The following UBE2D2 variants were observed in gnomAD, a reference collection of about 807,000 sequenced individuals.
The protein encoded by UBE2D2 is ubiquitin conjugating enzyme E2 D2.
A neutral mutation model predicts 24.2 loss-of-function variants in UBE2D2; 2 were observed. That is an observed-to-expected ratio of 0.08 (90% confidence interval 0.03 to 0.26). UBE2D2 has a LOEUF of 0.26. Among genes scored for constraint, UBE2D2 ranks in the 10% least tolerant of loss-of-function variants. The probability of loss-of-function intolerance (pLI) is 1.00; values close to 1 mark genes in which losing one functional copy is unlikely to be tolerated. For synonymous variants in UBE2D2, 58 were observed against 56.5 expected (o/e 1.03, Z -0.12); for missense variants, 44 against 177.6 (o/e 0.25, Z 4.28).
In UBE2D2 at chr5:139,600,325, A is replaced by C. The variant is rs757881406; in HGVS notation, c.25-47A>C. The stretch of plus-strand genomic sequence containing the variant: ...AATATAAACTTTAGTAATGGATAAA[A>C]GGTACATTTATGTTGAATATATTTC... On this transcript the variant is annotated intron_variant, in intron 1 of 6. Coordinates refer to ENST00000398733, the MANE Select transcript of UBE2D2 (RefSeq NM_003339.3). 4 of 1,582,188 alleles carry C rather than the reference A, an allele frequency of 2.5e-6. No individual in the cohort carries two copies. The African/African-American group carries it at 4.0e-5, about 16-fold the overall frequency.
intron 1 of UBE2D2, among the ~76,000 whole-genome samples, chr5:139,576,105 A>T (rs1340635633): frequency 6.6e-6 from 1 of 152,208 alleles, no homozygotes; most frequent in Non-Finnish European, 1.5e-5. Context: ...ATAATAGCAC[A>T]CTAATGGAGT....
intron 1 of UBE2D2, chr5:139,562,073 T>C: frequency 1.2e-6 from 1 of 865,932 alleles, no homozygotes; most frequent in Non-Finnish European, 1.7e-6. Context: ...TGGTGTGGAC[T>C]CTTAGGGCTT....
chr5:139,581,696 T>C (rs569147835), intron 1 of UBE2D2, among the ~76,000 whole-genome samples: 2 of 152,034 alleles, frequency 1.3e-5, no homozygotes, highest in South Asian at 4.1e-4. Flanking sequence ...TGAGATGGAG[T>C]CTCGATCCGT....
chr5:139,615,377 C>T (rs919984550), intron 5 of UBE2D2, among the ~76,000 whole-genome samples: 6 of 151,948 alleles, frequency 3.9e-5, no homozygotes, highest in South Asian at 4.1e-4. Flanking sequence ...CCCAGCTACT[C>T]GGGAGGCTGA....
chr5:139,548,193 A>AAAAAAATAAATAAATAAATAAAT, intron 1 of UBE2D2, among the ~76,000 whole-genome samples: 1 of 47,102 alleles, frequency 2.1e-5, no homozygotes, highest in Non-Finnish European at 3.8e-5. Flanking sequence ...ATAAAAAAAA[A>AAAAAAATAAATAAATAAATAAAT]AAATAAATAA....
intron 2 of UBE2D2, among the ~76,000 whole-genome samples, chr5:139,605,716 C>A (rs1187717222): frequency 6.6e-6 from 1 of 151,148 alleles, no homozygotes; most frequent in Non-Finnish European, 1.5e-5. Flanking sequence ...TCCCTCTCTC[C>A]CTCCCTTCTC....
At chr5:139,574,055 T>C (rs1753411723) in intron 1 of UBE2D2, among the ~76,000 whole-genome samples, 1 of 151,726 alleles carries the variant, frequency 6.6e-6, no homozygotes, top group Admixed American at 6.6e-5. Context: ...ATATTTAATA[T>C]ATAATAAGCT....
intron 5 of UBE2D2, among the ~76,000 whole-genome samples, chr5:139,619,395 C>CAA (rs372029230): frequency 5.7e-4 from 62 of 109,342 alleles, no homozygotes; most frequent in East Asian, 3.5e-3. Flanking sequence ...GAGTCTGTCT[C>CAA]AAAAAAAAAA....
At chr5:139,562,320 C>T in intron 1 of UBE2D2, 1 of 1,348,606 alleles carries the variant, frequency 7.4e-7, no homozygotes. Context: ...ATCCTGAGTT[C>T]ACTTACCTCT....
At chr5:139,601,361 T>A (rs1434647042) in intron 2 of UBE2D2, among the ~76,000 whole-genome samples, 1 of 152,166 alleles carries the variant, frequency 6.6e-6, no homozygotes, top group African/African-American at 2.4e-5. Flanking sequence ...CCCAGCACTT[T>A]AGGAGACCGA....
intron 1 of UBE2D2, chr5:139,562,217 T>C (rs760598695): frequency 1.5e-6 from 2 of 1,378,314 alleles, no homozygotes; most frequent in Non-Finnish European, 1.9e-6. Flanking sequence ...GCCCCATTTC[T>C]GTTCCCTCCT....
intron 2 of UBE2D2, among the ~76,000 whole-genome samples, chr5:139,610,044 T>C (rs1035958644): frequency 1.2e-4 from 18 of 152,234 alleles, no homozygotes; most frequent in African/African-American, 4.1e-4. Context: ...GTGCTGGGAT[T>C]ACAGGTGTGA....
chr5:139,603,084 C>G (rs758111467), intron 2 of UBE2D2, among the ~76,000 whole-genome samples: 1 of 152,112 alleles, frequency 6.6e-6, no homozygotes, highest in Non-Finnish European at 1.5e-5. Context: ...TTTTCTGATT[C>G]TAGTTTGTCC....
At chr5:139,544,628 C>A (rs1752801314) in intron 1 of UBE2D2, among the ~76,000 whole-genome samples, 2 of 151,778 alleles carry the variant, frequency 1.3e-5, no homozygotes, top group African/African-American at 4.8e-5. Flanking sequence ...CACACACACA[C>A]ACACCCCAAA....
At chr5:139,548,179 A>AAAAAAG (rs1752860569) in intron 1 of UBE2D2, among the ~76,000 whole-genome samples, 1 of 40,246 alleles carries the variant, frequency 2.5e-5, no homozygotes, top group Non-Finnish European at 4.1e-5. Context: ...AAAAAAAAAA[A>AAAAAAG]AAAATAAAAA....
chr5:139,580,059 A>G lies in UBE2D2; in HGVS notation c.24+18244A>G, dbSNP rs570700465. Among the ~76,000 whole-genome samples, 73 of 151,834 alleles carry G rather than the reference A, an allele frequency of 4.8e-4. 1 individual carries two copies. Among genetic ancestry groups the G allele is most frequent in the Middle Eastern group, 6.8e-3 (2 of 294 alleles). ...AGACTCCCTCTCAAAAAAAAAAAAA[A>G]AAGTTGTTCCCATAGATAAGGCTCA... is the stretch of plus-strand genomic sequence containing the variant. On this transcript the variant is annotated intron_variant, in intron 1 of 6. Coordinates refer to ENST00000398733, the MANE Select transcript of UBE2D2 (RefSeq NM_003339.3).
At chr5:139,593,255 A>G (rs1235963220) in intron 1 of UBE2D2, among the ~76,000 whole-genome samples, 5 of 152,038 alleles carry the variant, frequency 3.3e-5, no homozygotes, top group African/African-American at 9.7e-5. Flanking sequence ...CGGCCTCCCA[A>G]AGTGCTGGGA....
intron 1 of UBE2D2, among the ~76,000 whole-genome samples, chr5:139,591,687 T>C (rs890459288): frequency 2.0e-5 from 3 of 152,202 alleles, no homozygotes; most frequent in Non-Finnish European, 2.9e-5. Flanking sequence ...TTCAAACTCA[T>C]GTAAGTTAAT....
intron 1 of UBE2D2, among the ~76,000 whole-genome samples, chr5:139,530,223 A>G (rs528661249): frequency 1.3e-5 from 2 of 152,152 alleles, no homozygotes; most frequent in Non-Finnish European, 2.9e-5. Context: ...GAATTCCACC[A>G]GGACTGGACG....
Sources: gnomAD v4.1 joint callset for allele counts (sites outside exome capture counted in the v4.1 genomes callset) on GRCh38, gnomAD v4.1.1 for gene constraint, MANE v1.5 for transcripts, NCBI Gene and HGNC (gene_info 2026-07-23, HGNC 2026-07-21) for gene names.